Variants in MED22 observed in about 807,000 individuals in gnomAD.
MED22 encodes mediator complex subunit 22, also known as mediator of RNA polymerase II transcription subunit 22.
Under a neutral mutation model 22.7 loss-of-function variants are expected in MED22, and 22 were observed. The observed-to-expected ratio is 0.97, with a 90% CI of 0.69 to 1.38. The LOEUF is 1.38. MED22 is among the 40% of genes most tolerant of loss of function. The probability of loss-of-function intolerance (pLI) is 0.00; values close to 1 mark genes in which losing one functional copy is unlikely to be tolerated. For missense variants in MED22, 247 were observed against 263.0 expected (o/e 0.94, Z 0.42); for synonymous variants, 134 against 119.4 (o/e 1.12, Z -0.80).
chr9:133,342,005 C>G, intron 4 of MED22: 1 of 1,159,134 alleles, frequency 8.6e-7, no homozygotes, highest in Non-Finnish European at 1.1e-6. Flanking sequence ...CTATGCCTCC[C>G]AGCTGGTGCT....
Position 133,348,125 on chromosome 9 carries a change from T to C in MED22, c.-242A>G. The C allele has an allele frequency of 7.0e-7, 1 of 1,423,910 alleles. No homozygotes were observed. The highest frequency in any genetic ancestry group is 1.4e-5 in the African/African-American group (1 of 70,920). 88.2% of individuals were successfully genotyped at this position (1,423,910 alleles called of 1,614,324 possible). A position where few individuals can be genotyped will look rare whatever the true frequency, so the allele number is the denominator to read the frequency against. On this transcript the variant is annotated 5_prime_UTR_variant, in exon 1 of 5. Transcript: ENST00000343730. ...GGCCCCGCCTCGATTTTTAGCTTTA[T>C]AGGAATGCTGTTGCTTTAAATCCGA...
At chr9:133,343,374 C>G in intron 4 of MED22, 1 of 1,230,510 alleles carries the variant, frequency 8.1e-7, no homozygotes, top group Non-Finnish European at 1.0e-6. Flanking sequence ...CTAAGTTTCC[C>G]CCTAAGTAAA....
intron 4 of MED22, 57 bp from the exon 5 acceptor site, chr9:133,341,751 G>T: frequency 6.3e-7 from 1 of 1,577,386 alleles, no homozygotes; most frequent in Admixed American, 2.0e-5. Flanking sequence ...AGGAAAGCCA[G>T]GGGAGGGGAG....
chr9:133,342,690 C>T (rs2129954472), intron 4 of MED22: 18 of 985,676 alleles, frequency 1.8e-5, no homozygotes, highest in African/African-American at 3.5e-5. Flanking sequence ...CTGTGTGAGG[C>T]CCCCCAGGGG....
Position 133,345,195 on chromosome 9 carries a change from T to A in MED22, c.181A>T (p.Met61Leu). 1 of 1,613,932 alleles carries A rather than the reference T, an allele frequency of 6.2e-7. No individual in the cohort carries two copies. Among genetic ancestry groups the A allele is most frequent in the Non-Finnish European group, 8.5e-7 (1 of 1,180,008 alleles). The change falls in exon 3 of 5, where the codon ATG becomes TTG. Residue 61 changes from methionine (M) to leucine (L), a missense_variant. By Grantham distance (15) the Met-to-Leu change is conservative. Coordinates refer to ENST00000343730, the MANE Select transcript of MED22 (RefSeq NM_133640.5). ...ATQGEQDNYE[M>L]HVRAANIVRA... The stretch of plus-strand genomic sequence containing the variant: ...ACGATGTTGGCGGCTCGCACATGCA[T>A]CTCGTAATTGTCCTGTTCACCCTGA...
intron 2 of MED22, among the ~76,000 whole-genome samples, chr9:133,346,182 C>T (rs964527865): frequency 6.6e-6 from 1 of 152,162 alleles, no homozygotes; most frequent in African/African-American, 2.4e-5. Flanking sequence ...GTGCTGACCG[C>T]TCCACCTGCC....
intron 4 of MED22, chr9:133,342,066 C>A: frequency 9.1e-7 from 1 of 1,096,158 alleles, no homozygotes; most frequent in Non-Finnish European, 1.1e-6. Flanking sequence ...CTCCCTCCTC[C>A]CTGACTGCAG....
In MED22 at chr9:133,341,874, G is replaced by A. The variant is rs2129951421; in HGVS notation, c.414-180C>T. On this transcript the variant is annotated intron_variant, in intron 4 of 4. Coordinates refer to ENST00000343730, the MANE Select transcript of MED22 (RefSeq NM_133640.5). ...GTTGGCAGGCCTGGCAAGGAGAGGCGGCCAGTGGTGAGAGCCACCCTAGCA... is the reference window on the plus strand; with the variant it reads ...GTTGGCAGGCCTGGCAAGGAGAGGCAGCCAGTGGTGAGAGCCACCCTAGCA... 2.5e-5 allele frequency: 34 copies of A among 1,381,778 alleles called. No individual in the cohort carries two copies. In the African/African-American group the frequency reaches 3.6e-4, roughly 15 times the overall value. 85.6% of individuals were successfully genotyped at this position (1,381,778 alleles called of 1,614,324 possible). A position where few individuals can be genotyped will look rare whatever the true frequency, so the allele number is the denominator to read the frequency against.
chr9:133,346,414 C>CAGCTCCCTGTGCACTGGG, intron 2 of MED22, 126 bp downstream of exon 2: 1 of 1,208,244 alleles, frequency 8.3e-7, no homozygotes, highest in Non-Finnish European at 1.2e-6. Flanking sequence ...ATCTACTGAC[C>CAGCTCCCTGTGCACTGGG]AGCTCCCTGT....
At chr9:133,342,014 C>T (rs1836020142) in intron 4 of MED22, 2 of 1,142,910 alleles carry the variant, frequency 1.7e-6, no homozygotes, top group Middle Eastern at 3.6e-4. Flanking sequence ...CCAGCTGGTG[C>T]TGGTCCCCCT....
chr9:133,342,689 GC>G (rs1167457336), intron 4 of MED22: 12 of 985,764 alleles, frequency 1.2e-5, no homozygotes, highest in Admixed American at 6.1e-5. Flanking sequence ...GCTGTGTGAG[GC>G]CCCCCAGGGG....
chr9:133,342,313 C>T (rs925336007), intron 4 of MED22: 10 of 986,030 alleles, frequency 1.0e-5, no homozygotes, highest in Non-Finnish European at 1.2e-5. Context: ...CCTTCCCATG[C>T]CCGCAGCTGT....
In MED22 at chr9:133,346,713, A is replaced by G. The variant is rs2129969893; in HGVS notation, c.-38-13T>C. Reference sequence around the variant, plus strand: ...GGAGACCTGGGACCTAGAGTGCAGCACAGACCTCTGAGTGCAGGCAGAGTC... The same window carrying G: ...GGAGACCTGGGACCTAGAGTGCAGCGCAGACCTCTGAGTGCAGGCAGAGTC... On this transcript the variant is annotated splice_polypyrimidine_tract_variant and intron_variant, in intron 1 of 4. Coordinates refer to ENST00000343730, the MANE Select transcript of MED22 (RefSeq NM_133640.5). The G allele has an allele frequency of 6.3e-7, 1 of 1,597,034 alleles. No homozygotes were observed. The highest frequency in any genetic ancestry group is 2.2e-5 in the East Asian group (1 of 44,702).
In MED22 at chr9:133,346,532, A is replaced by AC. The variant is rs2129968608; in HGVS notation, c.123+7dup. ...TCTGCTCCCCTTGGTGGGCCACCCC[A>AC]CCCCCACCTTGGCGGTCTTGATGAT... On this transcript the variant is annotated splice_region_variant and intron_variant, in intron 2 of 4. Coordinates refer to ENST00000343730, the MANE Select transcript of MED22 (RefSeq NM_133640.5). The AC allele has an allele frequency of 3.2e-4, 505 of 1,594,894 alleles. No homozygotes were observed. Among genetic ancestry groups the AC allele is most frequent in the Non-Finnish European group, 4.1e-4 (479 of 1,174,166 alleles).
chr9:133,344,210 C>A lies in MED22; in HGVS notation c.328G>T (p.Glu110Ter). 8.1e-6 allele frequency: 13 copies of A among 1,614,226 alleles called. No individual in the cohort carries two copies. The highest frequency in any genetic ancestry group is 1.1e-5 in the Non-Finnish European group (13 of 1,180,050). Reference protein sequence around the residue: ...QRNQQLRTLQEECDRKLITLR... With the variant: ...QRNQQLRTLQ ...GTGATGAGCTTCCGGTCGCACTCCT[C>A]CTGCAGTGTGCGCAGCTGCTGGTTG... The change falls in exon 4 of 5, where the codon GAG becomes TAG. Residue 110 changes from glutamate to a stop codon, truncating the protein, a stop_gained. Coordinates refer to ENST00000343730, the MANE Select transcript of MED22 (RefSeq NM_133640.5). LOFTEE classifies it high-confidence loss of function.
intron 1 of MED22, 42 bp downstream of exon 1, chr9:133,347,880 C>A (rs1836242441): frequency 3.1e-5 from 4 of 128,518 alleles, no homozygotes; most frequent in South Asian, 5.0e-4. Flanking sequence ...CGCCCACACA[C>A]CCACCCCCCC....
rs2129950676 is a variant in MED22, at chr9:133,341,740, G to C, written c.414-46C>G. 7 of 1,585,006 alleles carry C rather than the reference G, an allele frequency of 4.4e-6. No individual in the cohort carries two copies. The South Asian group carries it at 8.1e-5, about 18-fold the overall frequency. On this transcript the variant is annotated intron_variant, in intron 4 of 4. Transcript: ENST00000343730. ...CCAGGGAGAGACAGGAGCAGGCAGA[G>C]AGGAAAGCCAGGGGAGGGGAGAGCA...
At chr9:133,346,786 T>C (rs1359206287) in intron 1 of MED22, 86 bp from the exon 2 acceptor site, 1 of 1,187,262 alleles carries the variant, frequency 8.4e-7, no homozygotes, top group Non-Finnish European at 1.2e-6. Context: ...CACGCAGATT[T>C]CTGGGGATTC....
At chr9:133,341,783 A>G in intron 4 of MED22, 89 bp from the exon 5 acceptor site, 1 of 1,536,552 alleles carries the variant, frequency 6.5e-7, no homozygotes, top group African/African-American at 1.4e-5. Flanking sequence ...AGCAGAGTTA[A>G]GAAAACACGA....
Sources: gnomAD v4.1 joint callset for allele counts (sites outside exome capture counted in the v4.1 genomes callset) on GRCh38, gnomAD v4.1.1 for gene constraint, MANE v1.5 for transcripts, NCBI Gene and HGNC (gene_info 2026-07-23, HGNC 2026-07-21) for gene names.